The following CTNNBIP1 variants were observed in gnomAD, a reference collection of about 807,000 sequenced individuals.
The protein encoded by CTNNBIP1 is catenin beta interacting protein 1.
Under a neutral mutation model 11.8 loss-of-function variants are expected in CTNNBIP1, and 7 were observed. The ratio of observed to expected loss-of-function variants is 0.60; its 90% confidence interval spans 0.34 to 1.12. The LOEUF (loss-of-function observed/expected upper bound fraction) is 1.12, where lower values mean the gene tolerates loss of function less well. Ranked by LOEUF, CTNNBIP1 falls within the 50% of genes most tolerant of loss-of-function variation. The pLI is 0.03. For missense variants in CTNNBIP1, 101 were observed against 113.4 expected (o/e 0.89, Z 0.50); for synonymous variants, 58 against 43.9 (o/e 1.32, Z -1.26).
rs1638312913 is a variant in CTNNBIP1, at chr1:9,848,631, T to TGCGTGTGTGTGC, written c.*2075_*2086dup. 6.6e-6 allele frequency: 1 copy of TGCGTGTGTGTGC among 151,800 alleles called. No homozygotes were observed. Among genetic ancestry groups the TGCGTGTGTGTGC allele is most frequent in the African/African-American group, 2.4e-5 (1 of 41,288 alleles). 9.4% of individuals were successfully genotyped at this position (151,800 alleles called of 1,614,324 possible). A position where few individuals can be genotyped will look rare whatever the true frequency, so the allele number is the denominator to read the frequency against. ...CCTCCAGGCCCCTGAGCGGGGAGAG[T>TGCGTGTGTGTGC]GCGTGTGTGTGCACATGTGTATGAG... On this transcript the variant is annotated 3_prime_UTR_variant, in exon 6 of 6. Coordinates refer to ENST00000377263, the MANE Select transcript of CTNNBIP1 (RefSeq NM_020248.3). This position sits in a 1 kb window ranked among gnomAD's most constrained non-coding sequence, Gnocchi z 4.3.
intron 2 of CTNNBIP1, among the ~76,000 whole-genome samples, chr1:9,882,133 G>A (rs947080410): frequency 6.6e-6 from 1 of 152,152 alleles, no homozygotes; most frequent in Non-Finnish European, 1.5e-5. Flanking sequence ...GCAGGGGAGA[G>A]GCTGGCTGCC....
intron 1 of CTNNBIP1, among the ~76,000 whole-genome samples, chr1:9,891,287 G>A (rs533495323): frequency 3.9e-5 from 6 of 152,174 alleles, no homozygotes; most frequent in African/African-American, 7.2e-5. Flanking sequence ...GGCATGGCCC[G>A]GCCCTCCCAT....
Position 9,871,431 on chromosome 1 carries a change from C to T in CTNNBIP1, c.97-154G>A, listed in dbSNP as rs548911613. Among the ~76,000 whole-genome samples, 1 of 152,192 alleles carries T rather than the reference C, an allele frequency of 6.6e-6. No individual in the cohort carries two copies. Among genetic ancestry groups the T allele is most frequent in the Non-Finnish European group, 1.5e-5 (1 of 68,004 alleles). On this transcript the variant is annotated intron_variant, in intron 4 of 5. Transcript: ENST00000377263. The surrounding 1 kb of genome is among the most constrained non-coding windows in gnomAD (Gnocchi z 5.2). ...GATTTGACCCCTTTGCTTTCAGGGC[C>T]AGCCCACCCCACTCCCACCCTCCTT...
chr1:9,897,089 C>T (rs1639423652), intron 1 of CTNNBIP1, among the ~76,000 whole-genome samples: 1 of 151,258 alleles, frequency 6.6e-6, no homozygotes, highest in Admixed American at 6.6e-5. Flanking sequence ...TGCAATGAGC[C>T]AAGATCACAT....
At chr1:9,874,969 C>A (rs1321993145) in intron 3 of CTNNBIP1, among the ~76,000 whole-genome samples, 2 of 152,326 alleles carry the variant, frequency 1.3e-5, no homozygotes, top group East Asian at 3.9e-4. Context: ...CCTTCCAATT[C>A]TGTCCTGTGC....
At position 9,872,262 on chromosome 1, in the gene CTNNBIP1, T is replaced by C. The variant is rs1016288351; in HGVS notation, c.-24-174A>G. Among the ~76,000 whole-genome samples the C allele has an allele frequency of 6.6e-6, 1 of 152,202 alleles. No individual in the cohort carries two copies. The highest frequency in any genetic ancestry group is 2.4e-5 in the African/African-American group (1 of 41,464). ...TGGGTTCCTTTCTCACCCATGCTGG[T>C]CCCAGCAGGCTGAACTGAGCAGCTC... On this transcript the variant is annotated intron_variant, in intron 3 of 5. Coordinates refer to ENST00000377263, the MANE Select transcript of CTNNBIP1 (RefSeq NM_020248.3). This position sits in a 1 kb window ranked among gnomAD's most constrained non-coding sequence, Gnocchi z 4.0.
intron 5 of CTNNBIP1, among the ~76,000 whole-genome samples, chr1:9,862,959 G>C (rs969590360): frequency 2.0e-5 from 3 of 152,344 alleles, no homozygotes; most frequent in East Asian, 1.9e-4. Flanking sequence ...AGGGCTTGAG[G>C]GGGGAAGTGT....
intron 5 of CTNNBIP1, among the ~76,000 whole-genome samples, chr1:9,854,884 C>T (rs1156257752): frequency 6.6e-6 from 1 of 152,084 alleles, no homozygotes; most frequent in Non-Finnish European, 1.5e-5. Flanking sequence ...GCCATGTTGT[C>T]CAGGCTGGTC....
At chr1:9,886,395 C>G (rs1045324685) in intron 1 of CTNNBIP1, among the ~76,000 whole-genome samples, 2 of 143,872 alleles carry the variant, frequency 1.4e-5, no homozygotes, top group Non-Finnish European at 2.9e-5. Flanking sequence ...ACAATCGAAT[C>G]GAATATATCT....
At chr1:9,853,979 TG>T (rs908881275) in intron 5 of CTNNBIP1, among the ~76,000 whole-genome samples, 1 of 152,220 alleles carries the variant, frequency 6.6e-6, no homozygotes, top group Non-Finnish European at 1.5e-5. Flanking sequence ...AATGCAAGGT[TG>T]GTTTAACATC....
chr1:9,857,886 C>T (rs1638542434), intron 5 of CTNNBIP1, among the ~76,000 whole-genome samples: 1 of 152,190 alleles, frequency 6.6e-6, no homozygotes, highest in Non-Finnish European at 1.5e-5. Context: ...CAGATGAGAA[C>T]AAGTGTTGGC....
intron 1 of CTNNBIP1, among the ~76,000 whole-genome samples, chr1:9,895,196 T>C (rs932239143): frequency 2.9e-5 from 4 of 136,708 alleles, no homozygotes; most frequent in South Asian, 4.8e-4. Flanking sequence ...CATGAGCCAC[T>C]GCACCCGGCC....
intron 5 of CTNNBIP1, among the ~76,000 whole-genome samples, chr1:9,868,101 T>C (rs956746181): frequency 6.6e-6 from 1 of 152,114 alleles, no homozygotes; most frequent in Non-Finnish European, 1.5e-5. Flanking sequence ...TCCACAGAAT[T>C]CTCAGAACCT....
At chr1:9,909,592 C>G (rs1639690534) in intron 1 of CTNNBIP1, among the ~76,000 whole-genome samples, 1 of 152,146 alleles carries the variant, frequency 6.6e-6, no homozygotes, top group Non-Finnish European at 1.5e-5. Context: ...GCATACACGC[C>G]CGCCATCCAG....
At chr1:9,896,946 G>A (rs936738005) in intron 1 of CTNNBIP1, among the ~76,000 whole-genome samples, 6 of 148,014 alleles carry the variant, frequency 4.1e-5, no homozygotes, top group African/African-American at 1.0e-4. Context: ...CAGCCTGGGC[G>A]ACAGAGTGAG....
chr1:9,890,068 T>C (rs1639270792), intron 1 of CTNNBIP1, among the ~76,000 whole-genome samples: 4 of 152,196 alleles, frequency 2.6e-5, no homozygotes, highest in African/African-American at 9.6e-5. Context: ...TATAACTGGA[T>C]TGGCATGAGG....
chr1:9,885,728 G>A (rs987062854), intron 1 of CTNNBIP1, among the ~76,000 whole-genome samples: 4 of 152,060 alleles, frequency 2.6e-5, no homozygotes, highest in East Asian at 3.8e-4. Flanking sequence ...TGGATCACCT[G>A]AGGTTGGGAG....
rs147902789 is a variant in CTNNBIP1 at position 9,857,457 on chromosome 1, C to T, written c.188-6681G>A. On this transcript the variant is annotated intron_variant, in intron 5 of 5. Coordinates refer to ENST00000377263, the MANE Select transcript of CTNNBIP1 (RefSeq NM_020248.3). ...AGTGAGCTGAGATAGCACCGCTGCA[C>T]TCCAGCCTGGGTGACAGAATGAGAC... Among the ~76,000 whole-genome samples the T allele has an allele frequency of 1.9e-3, 280 of 147,972 alleles. 2 individuals carry two copies. The highest frequency in any genetic ancestry group is 6.5e-3 in the African/African-American group (258 of 39,790).
chr1:9,885,384 T>C (rs763245155), intron 1 of CTNNBIP1, among the ~76,000 whole-genome samples: 4 of 151,914 alleles, frequency 2.6e-5, no homozygotes, highest in Non-Finnish European at 4.4e-5. Context: ...AGAAAGGGGG[T>C]GATAACAGCA....
Sources: allele counts gnomAD v4.1 joint callset (sites outside exome capture counted in the v4.1 genomes callset), GRCh38; gene constraint gnomAD v4.1.1; non-coding constraint Gnocchi (gnomAD v3.1); transcripts MANE v1.5; gene names NCBI Gene and HGNC (gene_info 2026-07-23, HGNC 2026-07-21).